Variants in FSTL5 observed in about 807,000 individuals in gnomAD.
The protein encoded by FSTL5 is follistatin-related protein 5.
In FSTL5, 62 loss-of-function variants were observed where a neutral mutation model predicts 89.1. That is an observed-to-expected ratio of 0.70 (90% CI 0.57 to 0.86). The LOEUF is 0.86. Among genes scored for constraint, FSTL5 ranks in the 40% least tolerant of loss-of-function variants. FSTL5 has a pLI of 0.00. For synonymous variants in FSTL5, 383 were observed against 346.2 expected (o/e 1.11, Z -1.18); for missense variants, 1,057 against 1,001.6 (o/e 1.06, Z -0.75).
chr4:161,693,326 T>A (rs1738018198), intron 6 of FSTL5, among the ~76,000 whole-genome samples: 3 of 152,212 alleles, frequency 2.0e-5, no homozygotes, highest in Admixed American at 2.0e-4. Context: ...CAGAAAATAT[T>A]ATGATGTGTT....
intron 7 of FSTL5, among the ~76,000 whole-genome samples, chr4:161,619,623 T>G (rs1192239867): frequency 1.3e-5 from 2 of 152,068 alleles, no homozygotes; most frequent in Admixed American, 6.5e-5. Context: ...GAACTGCAAA[T>G]CAAAACCACA....
intron 15 of FSTL5, among the ~76,000 whole-genome samples, chr4:161,426,120 C>A (rs2126326986): frequency 6.6e-6 from 1 of 152,088 alleles, no homozygotes; most frequent in African/African-American, 2.4e-5. Flanking sequence ...AATTCATAAA[C>A]ATTTTTGTAT....
intron 4 of FSTL5, among the ~76,000 whole-genome samples, chr4:161,808,413 A>C (rs1370102512): frequency 6.6e-6 from 1 of 152,204 alleles, no homozygotes; most frequent in Non-Finnish European, 1.5e-5. Context: ...TTATTCACAA[A>C]TGCCAAAACA....
intron 4 of FSTL5, among the ~76,000 whole-genome samples, chr4:161,813,627 C>T (rs945942515): frequency 5.9e-5 from 9 of 152,180 alleles, no homozygotes; most frequent in Non-Finnish European, 1.0e-4. Flanking sequence ...TGTTGTATCG[C>T]CACAGGCTTA....
At chr4:161,617,246 TGTAA>T (rs1261134693) in intron 7 of FSTL5, among the ~76,000 whole-genome samples, 1 of 152,090 alleles carries the variant, frequency 6.6e-6, no homozygotes, top group Non-Finnish European at 1.5e-5. Context: ...TAAATATCCT[TGTAA>T]GTATTTAGTG....
intron 6 of FSTL5, among the ~76,000 whole-genome samples, chr4:161,756,989 T>C (rs543044850): frequency 6.6e-6 from 1 of 152,278 alleles, no homozygotes; most frequent in South Asian, 2.1e-4. Flanking sequence ...ATGGAGGTAG[T>C]GGTTAGGAGA....
At chr4:161,598,540 T>A (rs1433035633) in intron 7 of FSTL5, among the ~76,000 whole-genome samples, 1 of 152,126 alleles carries the variant, frequency 6.6e-6, no homozygotes, top group African/African-American at 2.4e-5. Context: ...TCAAGACTCA[T>A]CTACAAGATT....
At chr4:161,562,621 TG>T (rs1334437407) in intron 8 of FSTL5, among the ~76,000 whole-genome samples, 2 of 115,588 alleles carry the variant, frequency 1.7e-5, no homozygotes, top group Non-Finnish European at 4.0e-5. Context: ...TTCCTAATAT[TG>T]TTTTTTTGAT....
chr4:161,839,585 T>C (rs759241804), intron 4 of FSTL5, among the ~76,000 whole-genome samples: 1 of 152,166 alleles, frequency 6.6e-6, no homozygotes. Flanking sequence ...ATATATTAAA[T>C]AAAATAATTC....
chr4:161,734,854 C>T (rs1190735348), intron 6 of FSTL5, among the ~76,000 whole-genome samples: 3 of 151,598 alleles, frequency 2.0e-5, no homozygotes, highest in African/African-American at 7.3e-5. Context: ...CCGACAATTC[C>T]TACTTGGAGA....
chr4:161,437,512 A>G (rs959649272), intron 15 of FSTL5, among the ~76,000 whole-genome samples: 8 of 139,454 alleles, frequency 5.7e-5, no homozygotes, highest in African/African-American at 2.1e-4. Flanking sequence ...GCTTGCAGTG[A>G]GCAGAGATGG....
chr4:161,736,818 TTGTC>T (rs1397532750), intron 6 of FSTL5, among the ~76,000 whole-genome samples: 1 of 152,072 alleles, frequency 6.6e-6, no homozygotes, highest in African/African-American at 2.4e-5. Flanking sequence ...GTGATCCTGT[TTGTC>T]TATCTAGGGT....
At chr4:161,502,285 A>G (rs995645409) in intron 11 of FSTL5, among the ~76,000 whole-genome samples, 1 of 151,888 alleles carries the variant, frequency 6.6e-6, no homozygotes, top group Non-Finnish European at 1.5e-5. Context: ...TTTGTGAGCT[A>G]TATTTTCCAC....
intron 10 of FSTL5, among the ~76,000 whole-genome samples, chr4:161,513,836 G>T (rs1411363302): frequency 6.6e-6 from 1 of 152,108 alleles, no homozygotes; most frequent in Non-Finnish European, 1.5e-5. Flanking sequence ...CTGTTGGAGT[G>T]TGGTGGATAG....
At chr4:161,545,363 G>T (rs976328549) in intron 8 of FSTL5, among the ~76,000 whole-genome samples, 1 of 152,104 alleles carries the variant, frequency 6.6e-6, no homozygotes, top group East Asian at 1.9e-4. Context: ...GTGTGCACAC[G>T]TAATTTAAAA....
chr4:161,751,394 C>A (rs1740385897), intron 6 of FSTL5, among the ~76,000 whole-genome samples: 1 of 152,112 alleles, frequency 6.6e-6, no homozygotes, highest in Non-Finnish European at 1.5e-5. Flanking sequence ...TCCCTAAGAA[C>A]CCGTATAGCA....
Position 161,440,924 on chromosome 4 carries a change from A to C in FSTL5, c.1841+14080T>G, listed in dbSNP as rs1732737889. ...TTGCATGCATATTGATATTCCTGTT[A>C]AATTGCCTAATAAATTTTGAGTGTC... is the stretch of plus-strand genomic sequence containing the variant. On this transcript the variant is annotated intron_variant, in intron 15 of 15. Transcript: ENST00000306100. Among the ~76,000 whole-genome samples, 3 of 152,110 alleles carry C rather than the reference A, an allele frequency of 2.0e-5. No homozygotes were observed. In the South Asian group the frequency reaches 6.2e-4, roughly 31 times the overall value.
intron 10 of FSTL5, among the ~76,000 whole-genome samples, chr4:161,533,319 C>T (rs1296988132): frequency 6.8e-6 from 1 of 147,170 alleles, no homozygotes; most frequent in Non-Finnish European, 1.5e-5. Flanking sequence ...ACGTTGACCA[C>T]TAGCTAGATT....
chr4:161,657,998 T>C lies in FSTL5; in HGVS notation c.728-1504A>G, dbSNP rs117122361. On this transcript the variant is annotated intron_variant, in intron 6 of 15. Coordinates refer to ENST00000306100, the MANE Select transcript of FSTL5 (RefSeq NM_020116.5). ...TGCTCTTGAAATTGGAAAATCCTAGTAGAGAAAGGCTCAGCCCAAACTCAT... is the reference window on the plus strand; with the variant it reads ...TGCTCTTGAAATTGGAAAATCCTAGCAGAGAAAGGCTCAGCCCAAACTCAT... Among the ~76,000 whole-genome samples the C allele has an allele frequency of 6.0e-3, 915 of 152,262 alleles. 9 individuals carry two copies. The highest frequency in any genetic ancestry group is 0.045 in the South Asian group (219 of 4,820).
Sources: allele counts gnomAD v4.1 joint callset (sites outside exome capture counted in the v4.1 genomes callset), GRCh38; gene constraint gnomAD v4.1.1; transcripts MANE v1.5; gene names NCBI Gene and HGNC (gene_info 2026-07-23, HGNC 2026-07-21).